PCDHGB2: variants seen among roughly 807,000 people sequenced by gnomAD.
The protein encoded by PCDHGB2 is protocadherin gamma subfamily B, 2, also known as protocadherin gamma-B2.
PCDHGB2 carries 55 observed loss-of-function variants against 59.3 expected under a neutral mutation model. The observed-to-expected ratio is 0.93, with a 90% CI of 0.75 to 1.16. The LOEUF is 1.16. Among genes scored for constraint, PCDHGB2 ranks in the 50% most tolerant of loss-of-function variants. The probability of loss-of-function intolerance (pLI) is 0.00; values close to 1 mark genes in which losing one functional copy is unlikely to be tolerated. For missense variants in PCDHGB2, 1,228 were observed against 1,198.5 expected (o/e 1.02, Z -0.36); for synonymous variants, 516 against 512.0 (o/e 1.01, Z -0.11).
intron 1 of PCDHGB2, chr5:141,416,339 A>T (rs2096016775): frequency 6.6e-6 from 1 of 152,218 alleles, no homozygotes; most frequent in African/African-American, 2.4e-5. Context: ...TCATTGCTCA[A>T]TAGGGATCCT....
At chr5:141,400,234 G>A (rs749957043) in intron 1 of PCDHGB2, 11 of 1,613,984 alleles carry the variant, frequency 6.8e-6, no homozygotes, top group East Asian at 6.7e-5. Flanking sequence ...CCTCCTGGCC[G>A]TGATTCTGGC....
chr5:141,366,395 C>T (rs1764534294), intron 1 of PCDHGB2: 1 of 1,614,178 alleles, frequency 6.2e-7, no homozygotes, highest in African/African-American at 1.3e-5. Context: ...GGATCTGGAC[C>T]TCACACTCTA....
At chr5:141,455,860 ATTATTTATTTATTTATTTAT>A (rs145569377) in intron 1 of PCDHGB2, among the ~76,000 whole-genome samples, 117 of 139,848 alleles carry the variant, frequency 8.4e-4, no homozygotes, top group Non-Finnish European at 9.4e-4. Flanking sequence ...AATTTCTTTT[ATTATTTATTTATTTATTTAT>A]TTATTTATTT....
chr5:141,370,423 C>T, intron 1 of PCDHGB2: 1 of 1,586,808 alleles, frequency 6.3e-7, no homozygotes, highest in African/African-American at 1.3e-5. Context: ...TGGAGGGGCC[C>T]AGCAGGGCAG....
chr5:141,390,064 C>T, intron 1 of PCDHGB2: 1 of 1,614,060 alleles, frequency 6.2e-7, no homozygotes. Flanking sequence ...TGCTTCCAGC[C>T]TGGTCTCTGT....
chr5:141,499,572 T>C (rs2099792782), intron 2 of PCDHGB2, among the ~76,000 whole-genome samples: 1 of 152,178 alleles, frequency 6.6e-6, no homozygotes, highest in Admixed American at 6.5e-5. Flanking sequence ...CAGCTTCAAC[T>C]AATGCCTTAT....
chr5:141,491,641 C>T lies in PCDHGB2; in HGVS notation c.2422-3166C>T. Reference sequence around the variant, plus strand: ...CCTCAGCGTTCAGCAGCCCACAGCTCTGGCGCTGGAGCCTGACGCCATCCG... The same window carrying T: ...CCTCAGCGTTCAGCAGCCCACAGCTTTGGCGCTGGAGCCTGACGCCATCCG... On this transcript the variant is annotated intron_variant, in intron 1 of 3. Coordinates refer to ENST00000522605, the MANE Select transcript of PCDHGB2 (RefSeq NM_018923.3). The surrounding 1 kb of genome is among the most constrained non-coding windows in gnomAD (Gnocchi z 6.9). The T allele has an allele frequency of 6.2e-7, 1 of 1,613,896 alleles. No homozygotes were observed. Among genetic ancestry groups the T allele is most frequent in the Non-Finnish European group, 8.5e-7 (1 of 1,180,018 alleles).
chr5:141,360,829 G>C lies in PCDHGB2; in HGVS notation c.694G>C (p.Val232Leu), dbSNP rs1467338981. Residue 232 changes from valine to leucine, a missense_variant, in exon 1 of 4, where the codon GTC (valine) becomes CTC (leucine). Physicochemically the swap from Val to Leu is conservative, Grantham distance 32 (BLOSUM62 1). This residue lies in a region of PCDHGB2 where 781 missense variants were observed against 721.6 expected (regional missense o/e 1.08). Coordinates refer to ENST00000522605, the MANE Select transcript of PCDHGB2 (RefSeq NM_018923.3). The stretch of plus-strand genomic sequence containing the variant: ...TGGCACGACCCAAATCCGAATCAAA[G>C]TCACGGATGCCAACGATAACCCTCC... ...QSGTTQIRIKVTDANDNPPVF... is the reference protein window; with the variant it reads ...QSGTTQIRIKLTDANDNPPVF... 11 of 1,613,980 alleles carry C rather than the reference G, an allele frequency of 6.8e-6. No homozygotes were observed. The South Asian group carries it at 1.2e-4, about 18-fold the overall frequency.
chr5:141,470,671 C>T (rs2099236433), intron 1 of PCDHGB2, among the ~76,000 whole-genome samples: 1 of 152,064 alleles, frequency 6.6e-6, no homozygotes, highest in African/African-American at 2.4e-5. Context: ...TAGGGCTCTG[C>T]TGTTACCATC....
At chr5:141,508,792 C>T (rs1198342551) in intron 3 of PCDHGB2, among the ~76,000 whole-genome samples, 3 of 152,130 alleles carry the variant, frequency 2.0e-5, no homozygotes, top group Admixed American at 6.5e-5. Flanking sequence ...CTAAATCACT[C>T]TGGAATCCTG....
At chr5:141,428,003 C>T in intron 1 of PCDHGB2, 1 of 1,601,362 alleles carries the variant, frequency 6.2e-7, no homozygotes, top group East Asian at 2.2e-5. Flanking sequence ...CCGCACTCTT[C>T]GATATAGTGC....
chr5:141,374,250 C>T lies in PCDHGB2; in HGVS notation c.2421+11694C>T, dbSNP rs533179881. The T allele has an allele frequency of 2.5e-6, 4 of 1,613,890 alleles. No homozygotes were observed. The African/African-American group carries it at 5.3e-5, about 22-fold the overall frequency. ...ATCGTCAAGGATCTGGGACTGGAGC[C>T]CCAGGAGTTGGCGGAGCACGGAGTC... On this transcript the variant is annotated intron_variant, in intron 1 of 3. Transcript: ENST00000522605.
chr5:141,422,400 G>A (rs1207332302), intron 1 of PCDHGB2: 3 of 1,598,664 alleles, frequency 1.9e-6, no homozygotes, highest in South Asian at 2.3e-5. Context: ...CTAACCACCT[G>A]CCTTTTAAAT....
chr5:141,392,929 C>T (rs1474626800), intron 1 of PCDHGB2: 6 of 1,613,770 alleles, frequency 3.7e-6, no homozygotes, highest in Non-Finnish European at 5.1e-6. Flanking sequence ...CCAGAAGAGA[C>T]GGACAAAGGC....
chr5:141,418,998 G>A (rs757681244), intron 1 of PCDHGB2: 4 of 1,613,940 alleles, frequency 2.5e-6, no homozygotes, highest in South Asian at 2.2e-5. Context: ...GGGGAAAATG[G>A]GGAAGTCAGG....
chr5:141,403,849 G>A, intron 1 of PCDHGB2: 1 of 1,613,560 alleles, frequency 6.2e-7, no homozygotes, highest in East Asian at 2.2e-5. Flanking sequence ...AAAATACTGG[G>A]GAAATATCAA....
At chr5:141,404,371 C>T in intron 1 of PCDHGB2, 2 of 1,613,892 alleles carry the variant, frequency 1.2e-6, no homozygotes, top group Non-Finnish European at 1.7e-6. Flanking sequence ...CCATCTTCTC[C>T]GTGATTGCCT....
At chr5:141,384,337 G>C (rs370533196) in intron 1 of PCDHGB2, 2 of 1,613,832 alleles carry the variant, frequency 1.2e-6, no homozygotes, top group Non-Finnish European at 1.7e-6. Flanking sequence ...ACAGGACCAC[G>C]ACAGTGAGGA....
intron 1 of PCDHGB2, chr5:141,372,773 T>A: frequency 6.2e-7 from 1 of 1,610,720 alleles, no homozygotes; most frequent in East Asian, 2.2e-5. Flanking sequence ...GTAATGACAA[T>A]CCAGAAATGC....
Sources: allele counts gnomAD v4.1 joint callset (sites outside exome capture counted in the v4.1 genomes callset), GRCh38; gene constraint gnomAD v4.1.1; regional missense constraint gnomAD v4.1.1; non-coding constraint Gnocchi (gnomAD v3.1); transcripts MANE v1.5; gene names NCBI Gene and HGNC (gene_info 2026-07-23, HGNC 2026-07-21).